Variants in SP140 observed in about 807,000 individuals in gnomAD.
SP140 encodes SP140 nuclear body protein, also known as nuclear body protein SP140.
In SP140, 81 loss-of-function variants were observed where a neutral mutation model predicts 125.0. That is an observed-to-expected ratio of 0.65 (90% CI 0.54 to 0.78). The LOEUF is 0.78. SP140 is among the 30% of genes least tolerant of loss of function. The pLI is 0.00. For synonymous variants in SP140, 312 were observed against 354.0 expected, an observed-to-expected ratio of 0.88 and a Z score of 1.33; for missense variants, 858 against 1,037.0, an observed-to-expected ratio of 0.83 and a Z score of 2.37.
the SP140 span, among the ~76,000 whole-genome samples, chr2:230,192,081 A>G: frequency 1.3e-5 from 2 of 152,160 alleles, no homozygotes; most frequent in African/African-American, 4.8e-5. Flanking sequence ...ATAAAATTCT[A>G]CATCCCTTCA....
intron 12 of SP140, among the ~76,000 whole-genome samples, chr2:230,259,399 C>T (rs1202001357): frequency 1.2e-4 from 18 of 152,028 alleles, no homozygotes; most frequent in East Asian, 1.9e-4. Flanking sequence ...GTCTCCAAGC[C>T]GGGCACGGTG....
At chr2:230,192,263 T>C in the SP140 span, among the ~76,000 whole-genome samples, 2 of 152,210 alleles carry the variant, frequency 1.3e-5, no homozygotes, top group Middle Eastern at 3.4e-3. Context: ...CTATTCAACA[T>C]AGTATTAGAA....
the SP140 span, among the ~76,000 whole-genome samples, chr2:230,186,639 T>C: frequency 6.6e-6 from 1 of 152,054 alleles, no homozygotes; most frequent in African/African-American, 2.4e-5. Context: ...AATACATAGG[T>C]TTTTACTCCC....
At chr2:230,240,165 C>A (rs2048527398) in intron 3 of SP140, among the ~76,000 whole-genome samples, 1 of 152,116 alleles carries the variant, frequency 6.6e-6, no homozygotes, top group Admixed American at 6.5e-5. Flanking sequence ...AAAAATAATT[C>A]AAGTTGGATC....
At chr2:230,202,493 A>G (rs1429277307), upstream of SP140, 5 of 1,286,502 alleles carry the variant, frequency 3.9e-6, no homozygotes. Context: ...TATTGACTTT[A>G]CATATCTACT....
intron 15 of SP140, among the ~76,000 whole-genome samples, chr2:230,271,613 T>C (rs951240711): frequency 6.6e-5 from 10 of 152,180 alleles, no homozygotes; most frequent in African/African-American, 2.2e-4. Flanking sequence ...GATCTATAGC[T>C]AAGGAGATTT....
chr2:230,248,393 G>C (rs1319730204), intron 8 of SP140, among the ~76,000 whole-genome samples: 1 of 152,124 alleles, frequency 6.6e-6, no homozygotes, highest in African/African-American at 2.4e-5. Context: ...AGGTCACAGG[G>C]TCAGAATAGA....
the SP140 span, among the ~76,000 whole-genome samples, chr2:230,197,444 C>T: frequency 6.6e-6 from 1 of 150,836 alleles, no homozygotes; most frequent in Non-Finnish European, 1.5e-5. Flanking sequence ...TGGATATTAG[C>T]CCTTTGTCAG....
At chr2:230,265,790 CGG>C (rs34044277) in intron 12 of SP140, among the ~76,000 whole-genome samples, 1 of 142,542 alleles carries the variant, frequency 7.0e-6, no homozygotes, top group Admixed American at 6.9e-5. Context: ...CTCAGTTTTA[CGG>C]GGGGGGGCGG....
At chr2:230,220,180 CAG>C in intron 3 of SP140, 1 of 624,446 alleles carries the variant, frequency 1.6e-6, no homozygotes. Flanking sequence ...GGGATCAGCC[CAG>C]AGAGGGAGGT....
chr2:230,252,540 A>T (rs1269514421), intron 10 of SP140, among the ~76,000 whole-genome samples: 1 of 152,120 alleles, frequency 6.6e-6, no homozygotes, highest in Non-Finnish European at 1.5e-5. Context: ...AAGCAGAGAC[A>T]TGTGTCAAGC....
At chr2:230,204,834 T>G (rs1428004626) in intron 1 of SP140, among the ~76,000 whole-genome samples, 2 of 152,146 alleles carry the variant, frequency 1.3e-5, no homozygotes, top group East Asian at 3.9e-4. Context: ...AGGAGATAAC[T>G]AAACATTTAT....
Position 230,256,791 on chromosome 2 carries a change from T to C in SP140, c.1240+1259T>C, listed in dbSNP as rs187996276. 1.1e-3 allele frequency among the ~76,000 whole-genome samples: 171 copies of C among 152,344 alleles called. 2 individuals carry two copies. The highest frequency in any genetic ancestry group is 4.5e-3 in the Admixed American group (69 of 15,300). ...GACAAAGCCTTCAGTGTAATGGTATTCTACCATCTAATTGGCAGAACTTAG... is the reference window on the plus strand; with the variant it reads ...GACAAAGCCTTCAGTGTAATGGTATCCTACCATCTAATTGGCAGAACTTAG... On this transcript the variant is annotated intron_variant, in intron 12 of 26. Coordinates refer to ENST00000392045, the MANE Select transcript of SP140 (RefSeq NM_007237.5).
At chr2:230,298,289 A>G (rs2057949915) in intron 22 of SP140, among the ~76,000 whole-genome samples, 1 of 152,172 alleles carries the variant, frequency 6.6e-6, no homozygotes, top group African/African-American at 2.4e-5. Flanking sequence ...AGGCCGGGTC[A>G]CCTTCTTGCA....
chr2:230,207,916 C>A (rs2044048386), intron 1 of SP140: 1 of 747,222 alleles, frequency 1.3e-6, no homozygotes, highest in Admixed American at 2.1e-5. Context: ...TAAAATTCAA[C>A]CCTCCACAGC....
At chr2:230,241,628 C>T (rs1229722265) in intron 4 of SP140, 141 bp downstream of exon 4, 1 of 612,830 alleles carries the variant, frequency 1.6e-6, no homozygotes, top group African/African-American at 1.9e-5. Flanking sequence ...ATGTACCTGC[C>T]CTTATCTGCC....
At chr2:230,212,440 G>A in intron 1 of SP140, 7 of 1,586,524 alleles carry the variant, frequency 4.4e-6, no homozygotes, top group Non-Finnish European at 6.1e-6. Flanking sequence ...ACTGAAGGAG[G>A]AAAGGAAATT....
intron 12 of SP140, among the ~76,000 whole-genome samples, chr2:230,266,672 G>A (rs890581): frequency 0.18 from 27,443 of 152,192 alleles, 2,912 homozygotes; most frequent in Non-Finnish European, 0.24. Flanking sequence ...CCAGGTTGTT[G>A]ACATAATCCA....
At chr2:230,269,790 T>C in intron 13 of SP140, 47 bp from the exon 14 acceptor site, 1 of 1,446,540 alleles carries the variant, frequency 6.9e-7, no homozygotes, top group Non-Finnish European at 9.7e-7. Context: ...GAAAATAGAG[T>C]CACTGGGTCA....
Sources: gnomAD v4.1 joint callset for allele counts (sites outside exome capture counted in the v4.1 genomes callset) on GRCh38, gnomAD v4.1.1 for gene constraint, MANE v1.5 for transcripts, NCBI Gene and HGNC (gene_info 2026-07-23, HGNC 2026-07-21) for gene names.